KLHL1: variants seen among roughly 807,000 people sequenced by gnomAD.
KLHL1 encodes kelch like family member 1.
In KLHL1, 47 loss-of-function variants were observed where a neutral mutation model predicts 77.7. The ratio of observed to expected loss-of-function variants is 0.60; its 90% CI spans 0.48 to 0.77. The LOEUF is 0.77. KLHL1 is among the 30% of genes least tolerant of loss of function. The pLI is 0.00. For missense variants in KLHL1, 925 were observed against 910.8 expected, an observed-to-expected ratio of 1.02 and a Z score of -0.20; for synonymous variants, 360 against 325.2, an observed-to-expected ratio of 1.11 and a Z score of -1.15.
At chr13:69,886,549 A>C in intron 4 of KLHL1, among the ~76,000 whole-genome samples, 1 of 151,958 alleles carries the variant, frequency 6.6e-6, no homozygotes. Flanking sequence ...TTTATATGAA[A>C]ATTAGCTGAA....
intron 6 of KLHL1, 125 bp from the exon 7 acceptor site, chr13:69,797,087 T>A: frequency 1.3e-6 from 1 of 747,810 alleles, no homozygotes; most frequent in Non-Finnish European, 2.2e-6. Context: ...AAAGAAAAAG[T>A]GGCAGAAAAA....
At chr13:69,822,342 C>T (rs1166525673) in intron 6 of KLHL1, among the ~76,000 whole-genome samples, 1 of 151,958 alleles carries the variant, frequency 6.6e-6, no homozygotes, top group East Asian at 1.9e-4. Context: ...AGAAAGGATA[C>T]CATTTTAATT....
At chr13:69,984,835 G>A (rs1436833686) in intron 1 of KLHL1, among the ~76,000 whole-genome samples, 1 of 152,190 alleles carries the variant, frequency 6.6e-6, no homozygotes, top group Non-Finnish European at 1.5e-5. Context: ...CAGGCTGGGC[G>A]TGGTGGCTCA....
chr13:69,755,264 A>G (rs568684391), intron 7 of KLHL1, among the ~76,000 whole-genome samples: 1 of 151,918 alleles, frequency 6.6e-6, no homozygotes, highest in Non-Finnish European at 1.5e-5. Flanking sequence ...GTGATACACC[A>G]GCTTCTGCTT....
At chr13:69,795,781 C>T (rs1345600378) in intron 7 of KLHL1, among the ~76,000 whole-genome samples, 1 of 152,156 alleles carries the variant, frequency 6.6e-6, no homozygotes, top group African/African-American at 2.4e-5. Flanking sequence ...ATAGTTCTCT[C>T]TAGTTCCTGG....
chr13:69,980,673 T>C (rs1593646617), intron 1 of KLHL1, among the ~76,000 whole-genome samples: 1 of 152,144 alleles, frequency 6.6e-6, no homozygotes, highest in Non-Finnish European at 1.5e-5. Context: ...CAGCGAATTG[T>C]TTTTTATTTT....
chr13:69,853,511 G>GAAGTAATACAAC (rs1163444894), intron 5 of KLHL1, among the ~76,000 whole-genome samples: 1 of 151,982 alleles, frequency 6.6e-6, no homozygotes, highest in Non-Finnish European at 1.5e-5. Flanking sequence ...GCATGAGAAT[G>GAAGTAATACAAC]AAGTAATACA....
At chr13:69,804,107 T>G (rs1877509884) in intron 6 of KLHL1, among the ~76,000 whole-genome samples, 1 of 152,178 alleles carries the variant, frequency 6.6e-6, no homozygotes, top group Admixed American at 6.5e-5. Flanking sequence ...TTATAAAGTA[T>G]TGGTTTTTCA....
At chr13:69,957,846 A>T (rs1266505876) in intron 3 of KLHL1, among the ~76,000 whole-genome samples, 2 of 151,814 alleles carry the variant, frequency 1.3e-5, no homozygotes, top group African/African-American at 4.8e-5. Context: ...AATTGCTTAT[A>T]CTGCTAATTA....
intron 4 of KLHL1, among the ~76,000 whole-genome samples, chr13:69,924,230 G>T (rs1882738907): frequency 6.6e-6 from 1 of 152,184 alleles, no homozygotes; most frequent in African/African-American, 2.4e-5. Flanking sequence ...GTGTGGAAAG[G>T]GGTAGGTACC....
At chr13:70,070,659 A>G (rs1887117305) in intron 1 of KLHL1, among the ~76,000 whole-genome samples, 1 of 152,152 alleles carries the variant, frequency 6.6e-6, no homozygotes, top group Non-Finnish European at 1.5e-5. Context: ...ATTCAGGCCT[A>G]CATATAGAAA....
At position 69,722,739 on chromosome 13, in the gene KLHL1, C is replaced by T. The variant is rs115946208; in HGVS notation, c.1803-3158G>A. Among the ~76,000 whole-genome samples, 498 of 151,884 alleles carry T rather than the reference C, an allele frequency of 3.3e-3. 5 individuals carry two copies. Among genetic ancestry groups the T allele is most frequent in the African/African-American group, 0.011 (472 of 41,460 alleles). ...GGAAAACCATTACGAAAAACCATTA[C>T]GAAAAACAGTTTTTTGAGGGTAGTC... On this transcript the variant is annotated intron_variant, in intron 8 of 10. Transcript: ENST00000377844.
intron 1 of KLHL1, among the ~76,000 whole-genome samples, chr13:70,014,820 G>A (rs933267788): frequency 6.6e-6 from 1 of 152,068 alleles, no homozygotes; most frequent in African/African-American, 2.4e-5. Flanking sequence ...TGCTTTTGTG[G>A]GAAAAACATT....
At chr13:70,107,083 G>C (rs1028800514) in intron 1 of KLHL1, 120 bp downstream of exon 1, 4 of 1,408,762 alleles carry the variant, frequency 2.8e-6, no homozygotes, top group South Asian at 1.5e-5. Context: ...AACCAGGGTG[G>C]CATCTCTTAA....
chr13:69,817,705 T>C (rs750466284), intron 6 of KLHL1, among the ~76,000 whole-genome samples: 1 of 152,192 alleles, frequency 6.6e-6, no homozygotes, highest in Non-Finnish European at 1.5e-5. Flanking sequence ...TATTACCCCA[T>C]GGATCTACTA....
intron 7 of KLHL1, among the ~76,000 whole-genome samples, chr13:69,754,974 C>T (rs1017527778): frequency 6.6e-6 from 1 of 152,062 alleles, no homozygotes; most frequent in African/African-American, 2.4e-5. Context: ...GCATCTATGA[C>T]CCTGCAATAC....
chr13:70,099,285 A>C lies in KLHL1; in HGVS notation c.497+7918T>G, dbSNP rs146191150. Among the ~76,000 whole-genome samples, 5 of 151,918 alleles carry C rather than the reference A, an allele frequency of 3.3e-5. No individual in the cohort carries two copies. In the East Asian group the frequency reaches 9.7e-4, roughly 29 times the overall value. On this transcript the variant is annotated intron_variant, in intron 1 of 10. Transcript: ENST00000377844. ...TCCATCACAGAATTTACATTGTAAA[A>C]TTCTGCCCCATTAATGTAAAGCCTA...
At chr13:70,086,416 C>T (rs1887537629) in intron 1 of KLHL1, among the ~76,000 whole-genome samples, 1 of 151,650 alleles carries the variant, frequency 6.6e-6, no homozygotes, top group East Asian at 2.0e-4. Flanking sequence ...AACTCCATCT[C>T]TATCAAAAAT....
intron 8 of KLHL1, among the ~76,000 whole-genome samples, chr13:69,721,510 C>T (rs1873062623): frequency 6.6e-6 from 1 of 151,770 alleles, no homozygotes; most frequent in South Asian, 2.1e-4. Context: ...TTTTTCTTTA[C>T]TATGGACAAT....
Sources: allele counts gnomAD v4.1 joint callset (sites outside exome capture counted in the v4.1 genomes callset), GRCh38; gene constraint gnomAD v4.1.1; transcripts MANE v1.5; gene names NCBI Gene and HGNC (gene_info 2026-07-23, HGNC 2026-07-21).